The following CABP4 variants were observed in gnomAD, a reference collection of about 807,000 sequenced individuals.
CABP4 encodes calcium-binding protein 4.
In CABP4, 30 loss-of-function variants were observed where a neutral mutation model predicts 30.7. That is an observed-to-expected ratio of 0.98 (90% CI 0.73 to 1.33). The LOEUF (loss-of-function observed/expected upper bound fraction) is 1.33. Among genes scored for constraint, CABP4 ranks in the 40% most tolerant of loss-of-function variants. The pLI, the probability that CABP4 is intolerant of heterozygous loss-of-function variation, is 0.00. For missense variants in CABP4, 424 were observed against 395.5 expected (o/e 1.07, Z -0.61); for synonymous variants, 161 against 159.2 (o/e 1.01, Z -0.08).
chr11:67,458,731 C>G lies in CABP4; in HGVS notation c.*72C>G. On this transcript the variant is annotated 3_prime_UTR_variant, in exon 6 of 6. Coordinates refer to ENST00000325656, the MANE Select transcript of CABP4 (RefSeq NM_145200.5). The stretch of plus-strand genomic sequence containing the variant: ...CCAGACCCAGGCTGCAGGCCTCCCC[C>G]AGGAGCCTCCAGGATGGAGATGGAG... 2 of 1,575,844 alleles carry G rather than the reference C, an allele frequency of 1.3e-6. No individual in the cohort carries two copies. The highest frequency in any genetic ancestry group is 1.1e-5 in the South Asian group (1 of 90,168).
chr11:67,457,247 G>A (rs1427666889), intron 3 of CABP4, among the ~76,000 whole-genome samples: 1 of 152,116 alleles, frequency 6.6e-6, no homozygotes, highest in African/African-American at 2.4e-5. Context: ...TCCTCACCCT[G>A]CTCCTAGGAT....
At position 67,457,657 on chromosome 11, in the gene CABP4, G is replaced by C; in HGVS notation, c.626G>C (p.Arg209Pro). The change falls in exon 4 of 6, where the codon CGA (arginine) becomes CCA (proline). Residue 209 changes from arginine to proline, a missense_variant. By Grantham distance (103) the Arg-to-Pro change is moderately radical (BLOSUM62 -2). Transcript: ENST00000325656. ...REETAHMLGV[R>P]ELRIAFREFD... ...GAGACGGCGCACATGCTGGGGGTGC[G>C]AGAGCTGCGCATCGCCTTCCGAGAG... 1 of 1,599,498 alleles carries C rather than the reference G, an allele frequency of 6.3e-7. No homozygotes were observed. Among genetic ancestry groups the C allele is most frequent in the Non-Finnish European group, 8.5e-7 (1 of 1,173,304 alleles).
rs756296532 is a variant in CABP4 at position 67,455,529 on chromosome 11, C to T, written c.106C>T (p.Pro36Ser). 4 of 1,603,502 alleles carry T rather than the reference C, an allele frequency of 2.5e-6. No individual in the cohort carries two copies. The highest frequency in any genetic ancestry group is 3.4e-6 in the Non-Finnish European group (4 of 1,176,194). The stretch of plus-strand genomic sequence containing the variant: ...TCCCAAGAGTGATGCAGAGGAGCCC[C>T]CGTTGACCAGGAAGAGGAGCAAGAA... Reference protein sequence around the residue: ...VTPKSDAEEPPLTRKRSKKER... With the variant: ...VTPKSDAEEPSLTRKRSKKER... Residue 36 changes from proline (P) to serine (S), a missense_variant, in exon 1 of 6, where the codon CCG becomes TCG. By Grantham distance (74) the Pro-to-Ser change is moderately conservative. Transcript: ENST00000325656.
chr11:67,458,739 T>C lies in CABP4; in HGVS notation c.*80T>C. 6.4e-7 allele frequency: 1 copy of C among 1,567,888 alleles called. No homozygotes were observed. Among genetic ancestry groups the C allele is most frequent in the Non-Finnish European group, 8.7e-7 (1 of 1,143,718 alleles). ...AGGCTGCAGGCCTCCCCCAGGAGCC[T>C]CCAGGATGGAGATGGAGACCCAGCA... On this transcript the variant is annotated 3_prime_UTR_variant, in exon 6 of 6. Coordinates refer to ENST00000325656, the MANE Select transcript of CABP4 (RefSeq NM_145200.5).
rs934751519 is a variant in CABP4 at position 67,459,749 on chromosome 11, G to T, written c.*1090G>T. 6.6e-6 allele frequency: 1 copy of T among 152,200 alleles called. No individual in the cohort carries two copies. The highest frequency in any genetic ancestry group is 1.5e-5 in the Non-Finnish European group (1 of 68,056). The allele number at this position is 152,200 out of a possible 1,614,324, so 9.4% of individuals were successfully genotyped here. A position where few individuals can be genotyped will look rare whatever the true frequency, so the allele number is the denominator to read the frequency against. On this transcript the variant is annotated 3_prime_UTR_variant, in exon 6 of 6. Coordinates refer to ENST00000325656, the MANE Select transcript of CABP4 (RefSeq NM_145200.5). The stretch of plus-strand genomic sequence containing the variant: ...GTGAATTACCTGAGGTCAGGAGTTT[G>T]AGGCCAGCCTGACCAACATGGTGAA...
rs754194901 is a variant in CABP4 at position 67,455,790 on chromosome 11, G to A, written c.366+1G>A. 1.3e-6 allele frequency: 2 copies of A among 1,567,202 alleles called. No individual in the cohort carries two copies. The highest frequency in any genetic ancestry group is 1.9e-5 in the Admixed American group (1 of 52,688). On this transcript the variant is annotated splice_donor_variant, in intron 1 of 5. Coordinates refer to ENST00000325656, the MANE Select transcript of CABP4 (RefSeq NM_145200.5). LOFTEE classifies it high-confidence loss of function. ...CCTGCTCAATCGAGTCTTCGGGAAG[G>A]TTAGGTGGGACCTGGATTGGGCTGG...
Position 67,456,440 on chromosome 11 carries a change from G to A in CABP4, c.539G>A (p.Arg180His), listed in dbSNP as rs779384386. ...GAGGTCTCGCAGCACATCAAGATGCGCAGTCAGTCAGGGAGCCCGCCCGCC... is the reference window on the plus strand; with the variant it reads ...GAGGTCTCGCAGCACATCAAGATGCACAGTCAGTCAGGGAGCCCGCCCGCC... Reference protein sequence around the residue: ...LLEVSQHIKMRMGGRVDFEEF... With the variant: ...LLEVSQHIKMHMGGRVDFEEF... Residue 180 changes from arginine to histidine, a missense_variant and splice_region_variant, in exon 3 of 6, where the codon CGC (arginine) becomes CAC (histidine). Coordinates refer to ENST00000325656, the MANE Select transcript of CABP4 (RefSeq NM_145200.5). 3.4e-5 allele frequency: 55 copies of A among 1,610,382 alleles called. No individual in the cohort carries two copies. The highest frequency in any genetic ancestry group is 1.3e-4 in the African/African-American group (10 of 74,900).
upstream of CABP4, among the ~76,000 whole-genome samples, chr11:67,454,280 G>T (rs1864677095): frequency 6.6e-6 from 1 of 152,184 alleles, no homozygotes; most frequent in Admixed American, 6.5e-5. Context: ...GAGCCCAGGT[G>T]GTGGTATAGT....
chr11:67,456,203 C>G lies in CABP4; in HGVS notation c.382C>G (p.Pro128Ala). 1.9e-6 allele frequency: 3 copies of G among 1,613,386 alleles called. No homozygotes were observed. The highest frequency in any genetic ancestry group is 1.1e-5 in the South Asian group (1 of 91,082). The change falls in exon 2 of 6, where the codon CCC becomes GCC. Residue 128 changes from proline (P) to alanine (A), a missense_variant. Pro to Ala is a conservative substitution (Grantham distance 27). Coordinates refer to ENST00000325656, the MANE Select transcript of CABP4 (RefSeq NM_145200.5). The stretch of plus-strand genomic sequence containing the variant: ...CCCCCTGCAGGACCGCGAACTGGGC[C>G]CCGAGGAGCTAGACGGTGAGTGGCT... ...RVFGKDRELG[P>A]EELDELQAAF... is the part of the protein sequence containing the mutation.
At chr11:67,455,899 G>A in intron 1 of CABP4, 110 bp downstream of exon 1, 1 of 1,423,732 alleles carries the variant, frequency 7.0e-7, no homozygotes, top group Non-Finnish European at 9.4e-7. Context: ...TTCTGCCCCA[G>A]ACTGAGCCTG....
At chr11:67,458,547 G>T (rs757151614) in intron 5 of CABP4, 29 bp downstream of exon 5, 2 of 1,614,100 alleles carry the variant, frequency 1.2e-6, no homozygotes, top group Admixed American at 1.7e-5. Context: ...AAACCCTCCC[G>T]TGCTTCCAGG....
intron 1 of CABP4, 32 bp from the exon 2 acceptor site, chr11:67,456,156 C>T (rs771306794): frequency 1.2e-6 from 2 of 1,612,984 alleles, no homozygotes; most frequent in South Asian, 2.2e-5. Flanking sequence ...CCGTGGCTGG[C>T]CCTGGGGACA....
At position 67,459,026 on chromosome 11, in the gene CABP4, A is replaced by C; in HGVS notation, c.*367A>C. 3.1e-6 allele frequency: 1 copy of C among 317,892 alleles called. No homozygotes were observed. Among genetic ancestry groups the C allele is most frequent in the Non-Finnish European group, 5.9e-6 (1 of 169,786 alleles). 19.7% of individuals were successfully genotyped at this position (317,892 alleles called of 1,614,324 possible). A position where few individuals can be genotyped will look rare whatever the true frequency, so the allele number is the denominator to read the frequency against. On this transcript the variant is annotated 3_prime_UTR_variant, in exon 6 of 6. Coordinates refer to ENST00000325656, the MANE Select transcript of CABP4 (RefSeq NM_145200.5). ...AGAGGATGGCTGGACCCCTTCCACT[A>C]CTTATGTTTATAATTTTTTTTTTTT...
intron 5 of CABP4, 56 bp from the exon 6 acceptor site, chr11:67,458,575 C>A (rs977524824): frequency 1.9e-5 from 30 of 1,613,858 alleles, no homozygotes; most frequent in Non-Finnish European, 2.4e-5. Context: ...CTGAGCCCAG[C>A]ACCTCCTGGG....
At position 67,461,519 on chromosome 11, in the gene CABP4, A is replaced by T. The variant is rs148932555; in HGVS notation, c.*2860A>T. On this transcript the variant is annotated 3_prime_UTR_variant, in exon 6 of 6. Transcript: ENST00000325656. ...CCACAGAATATAAAAAGCAAATCTTATAAATAACTGGAGAGAAAAGTCAGA... is the reference window on the plus strand; with the variant it reads ...CCACAGAATATAAAAAGCAAATCTTTTAAATAACTGGAGAGAAAAGTCAGA... 9.8e-5 allele frequency among the ~76,000 whole-genome samples: 15 copies of T among 152,370 alleles called. No individual in the cohort carries two copies. Among genetic ancestry groups the T allele is most frequent in the African/African-American group, 3.6e-4 (15 of 41,598 alleles).
Position 67,458,729 on chromosome 11 carries a change from C to T in CABP4, c.*70C>T. ...AGCCAGACCCAGGCTGCAGGCCTCC[C>T]CCAGGAGCCTCCAGGATGGAGATGG... On this transcript the variant is annotated 3_prime_UTR_variant, in exon 6 of 6. Coordinates refer to ENST00000325656, the MANE Select transcript of CABP4 (RefSeq NM_145200.5). The T allele has an allele frequency of 2.5e-6, 4 of 1,586,880 alleles. No individual in the cohort carries two copies. Among genetic ancestry groups the T allele is most frequent in the Non-Finnish European group, 3.5e-6 (4 of 1,159,102 alleles).
In CABP4 at chr11:67,460,514, T is replaced by TACACACACAC. The variant is rs533020503; in HGVS notation, c.*1856_*1857insCACACACACA. Among the ~76,000 whole-genome samples, 345 of 118,714 alleles carry TACACACACAC rather than the reference T, an allele frequency of 2.9e-3. 1 individual carries two copies. Among genetic ancestry groups the TACACACACAC allele is most frequent in the African/African-American group, 0.015 (323 of 22,128 alleles). The allele number at this position is 118,714 out of a possible 152,430, so 77.9% of individuals were successfully genotyped here. On this transcript the variant is annotated 3_prime_UTR_variant, in exon 6 of 6. Coordinates refer to ENST00000325656, the MANE Select transcript of CABP4 (RefSeq NM_145200.5). ...TTAAAAAAATAAAGTATATTTTATA[T>TACACACACAC]ATACACACACACACACACACACACA... is the stretch of plus-strand genomic sequence containing the variant.
In CABP4 at chr11:67,455,382, G is replaced by A; in HGVS notation, c.-42G>A. On this transcript the variant is annotated 5_prime_UTR_variant, in exon 1 of 6. Transcript: ENST00000325656. ...TTTATGGGTCCTGAAAGCCAAGGGT[G>A]CCCAGGGGTGTGGTGTCTCTGAGCC... is the stretch of plus-strand genomic sequence containing the variant. 2 of 1,576,256 alleles carry A rather than the reference G, an allele frequency of 1.3e-6. No individual in the cohort carries two copies. The highest frequency in any genetic ancestry group is 1.7e-6 in the Non-Finnish European group (2 of 1,162,980).
chr11:67,458,070 C>A (rs1384837437), intron 4 of CABP4, among the ~76,000 whole-genome samples: 1 of 152,072 alleles, frequency 6.6e-6, no homozygotes. Flanking sequence ...GTCAGCCTGG[C>A]CAACATGGCA....
Sources: allele counts gnomAD v4.1 joint callset (sites outside exome capture counted in the v4.1 genomes callset), GRCh38; gene constraint gnomAD v4.1.1; transcripts MANE v1.5; gene names NCBI Gene and HGNC (gene_info 2026-07-23, HGNC 2026-07-21).